The following AKAP8L variants were observed in gnomAD, a reference collection of about 807,000 sequenced individuals.
AKAP8L encodes A-kinase anchor protein 8-like.
AKAP8L carries 34 observed loss-of-function variants against 77.5 expected under a neutral mutation model. That is an observed-to-expected ratio of 0.44 (90% CI 0.33 to 0.58). The LOEUF is 0.58. Among genes scored for constraint, AKAP8L ranks in the 20% least tolerant of loss-of-function variants. AKAP8L has a pLI of 0.02. For missense variants in AKAP8L, 806 were observed against 887.6 expected (o/e 0.91, Z 1.17); for synonymous variants, 342 against 340.7 (o/e 1.00, Z -0.04).
At chr19:15,402,464 T>A (rs571252627) in intron 4 of AKAP8L, among the ~76,000 whole-genome samples, 23 of 152,172 alleles carry the variant, frequency 1.5e-4, no homozygotes, top group Non-Finnish European at 2.4e-4. Context: ...GCCGCTGCTC[T>A]GCTTACCCCG....
chr19:15,417,467 A>T (rs1234243115), intron 1 of AKAP8L, among the ~76,000 whole-genome samples: 1 of 152,062 alleles, frequency 6.6e-6, no homozygotes, highest in Non-Finnish European at 1.5e-5. Flanking sequence ...CAGCATCCCA[A>T]ACCTCCATCC....
intron 12 of AKAP8L, among the ~76,000 whole-genome samples, chr19:15,385,402 C>G (rs1433194153): frequency 2.0e-5 from 3 of 151,576 alleles, no homozygotes. Context: ...AGGATGGTCT[C>G]GATCTCCTGA....
chr19:15,415,881 G>C (rs1359858307), intron 1 of AKAP8L, among the ~76,000 whole-genome samples: 1 of 100,066 alleles, frequency 1.0e-5, no homozygotes, highest in Non-Finnish European at 2.0e-5. Flanking sequence ...GCAAGACTCC[G>C]TCTCAAAAAA....
At chr19:15,416,351 A>T (rs771173177) in intron 1 of AKAP8L, among the ~76,000 whole-genome samples, 1 of 152,170 alleles carries the variant, frequency 6.6e-6, no homozygotes, top group Admixed American at 6.5e-5. Context: ...AAAATGACTG[A>T]GTGTGACTTC....
intron 7 of AKAP8L, 25 bp from the exon 8 acceptor site, chr19:15,400,383 A>T: frequency 6.3e-7 from 1 of 1,577,810 alleles, no homozygotes; most frequent in Non-Finnish European, 8.6e-7. Flanking sequence ...TTCCAACTTT[A>T]AAACAGGTGC....
At chr19:15,381,761 T>G (rs1967423963) in intron 12 of AKAP8L, 1 of 152,200 alleles carries the variant, frequency 6.6e-6, no homozygotes, top group Non-Finnish European at 1.5e-5. Context: ...TGCCAACAGT[T>G]TATCCTCCTG....
intron 1 of AKAP8L, among the ~76,000 whole-genome samples, chr19:15,412,725 G>A (rs2145149950): frequency 6.6e-6 from 1 of 152,280 alleles, no homozygotes; most frequent in South Asian, 2.1e-4. Flanking sequence ...TGTATTTTTA[G>A]TAGAGATGGG....
chr19:15,410,293 G>C (rs1259417667), intron 2 of AKAP8L, among the ~76,000 whole-genome samples: 1 of 152,204 alleles, frequency 6.6e-6, no homozygotes, highest in Non-Finnish European at 1.5e-5. Flanking sequence ...CCCCCATGGG[G>C]ATTTGAAGCC....
chr19:15,411,926 A>G, intron 1 of AKAP8L, among the ~76,000 whole-genome samples: 1 of 151,842 alleles, frequency 6.6e-6, no homozygotes, highest in Non-Finnish European at 1.5e-5. Flanking sequence ...AAATACAAAA[A>G]TTACAGGGCA....
rs1329425690 is a variant in AKAP8L, at chr19:15,399,826, A to C, written c.1049-416T>G. ...GTGGGCTGACGCTGGATTTGCTGTT[A>C]GGTACCTGCTGGCGCTCATCACTCA... On this transcript the variant is annotated intron_variant, in intron 8 of 13. Coordinates refer to ENST00000397410, the MANE Select transcript of AKAP8L (RefSeq NM_014371.4). This position sits in a 1 kb window ranked among gnomAD's most constrained non-coding sequence, Gnocchi z 6.1. The C allele has an allele frequency of 3.2e-6, 1 of 312,168 alleles. No homozygotes were observed. The highest frequency in any genetic ancestry group is 6.1e-6 in the Non-Finnish European group (1 of 164,292). The allele number at this position is 312,168 out of a possible 1,614,324, so 19.3% of individuals were successfully genotyped here. A position where few individuals can be genotyped will look rare whatever the true frequency, so the allele number is the denominator to read the frequency against.
chr19:15,391,316 C>T (rs978069270), intron 12 of AKAP8L, among the ~76,000 whole-genome samples: 2 of 150,484 alleles, frequency 1.3e-5, no homozygotes, highest in South Asian at 2.1e-4. Context: ...AAATTAGCTG[C>T]GCGTGGTGGC....
At chr19:15,395,013 T>C (rs185802145) in intron 12 of AKAP8L, among the ~76,000 whole-genome samples, 2 of 151,640 alleles carry the variant, frequency 1.3e-5, no homozygotes, top group Non-Finnish European at 2.9e-5. Flanking sequence ...TATTTTGCTA[T>C]CACCTCTCCC....
chr19:15,383,062 C>T (rs1157386181), intron 12 of AKAP8L: 1 of 152,130 alleles, frequency 6.6e-6, no homozygotes, highest in Non-Finnish European at 1.5e-5. Flanking sequence ...ACAAGTCTTC[C>T]CCCAAAATTC....
rs886261234 is a variant in AKAP8L, at chr19:15,398,571, C to T, written c.1158-716G>A. On this transcript the variant is annotated intron_variant, in intron 9 of 13. Transcript: ENST00000397410. This position sits in a 1 kb window ranked among gnomAD's most constrained non-coding sequence, Gnocchi z 9.2. ...GTCTGGGGCCTGGGCCGGAGCAGGCCGCCGTGGCAAGGGGCGGAGGAGGCC... is the reference window on the plus strand; with the variant it reads ...GTCTGGGGCCTGGGCCGGAGCAGGCTGCCGTGGCAAGGGGCGGAGGAGGCC... 2.0e-5 allele frequency: 20 copies of T among 986,926 alleles called. No individual in the cohort carries two copies. The highest frequency in any genetic ancestry group is 9.4e-5 in the South Asian group (2 of 21,322). 61.1% of individuals were successfully genotyped at this position (986,926 alleles called of 1,614,324 possible). A position where few individuals can be genotyped will look rare whatever the true frequency, so the allele number is the denominator to read the frequency against.
intron 8 of AKAP8L, 64 bp downstream of exon 8, chr19:15,400,231 G>T: frequency 6.4e-7 from 1 of 1,554,302 alleles, no homozygotes; most frequent in Non-Finnish European, 8.9e-7. Flanking sequence ...CCCTCAGCTG[G>T]GTCCCTCCCA....
chr19:15,400,706 C>T (rs1335428162), intron 7 of AKAP8L, 88 bp downstream of exon 7: 1 of 1,478,562 alleles, frequency 6.8e-7, no homozygotes, highest in Admixed American at 1.8e-5. Flanking sequence ...GCTGACACAG[C>T]ATTGCCTCTG....
chr19:15,414,801 C>T (rs1171513881), intron 1 of AKAP8L, among the ~76,000 whole-genome samples: 3 of 151,222 alleles, frequency 2.0e-5, no homozygotes, highest in Non-Finnish European at 3.0e-5. Context: ...GGATTTCTTT[C>T]TTTCTATTTT....
intron 7 of AKAP8L, 100 bp downstream of exon 7, chr19:15,400,694 G>GCTGTGTC: frequency 7.2e-7 from 1 of 1,383,576 alleles, no homozygotes; most frequent in Non-Finnish European, 1.0e-6. Flanking sequence ...CATGCACGCA[G>GCTGTGTC]AGCTGACACA....
intron 4 of AKAP8L, among the ~76,000 whole-genome samples, chr19:15,402,983 CAT>C (rs1967927809): frequency 6.6e-6 from 1 of 152,142 alleles, no homozygotes; most frequent in Non-Finnish European, 1.5e-5. Context: ...CCATCAGGTA[CAT>C]GTTTGTAAGG....
Sources: gnomAD v4.1 joint callset for allele counts (sites outside exome capture counted in the v4.1 genomes callset) on GRCh38, gnomAD v4.1.1 for gene constraint, Gnocchi (gnomAD v3.1) non-coding constraint, MANE v1.5 for transcripts, NCBI Gene and HGNC (gene_info 2026-07-23, HGNC 2026-07-21) for gene names.